The following UTRN variants were observed in gnomAD, a reference collection of about 807,000 sequenced individuals.
UTRN encodes the protein dystrophin-related protein 1.
In UTRN, 283 loss-of-function variants were observed where a neutral mutation model predicts 463.9. The observed-to-expected ratio is 0.61, with a 90% CI of 0.55 to 0.67. The LOEUF is 0.67. Ranked by LOEUF, UTRN falls within the 30% of genes least tolerant of loss-of-function variation. The pLI is 0.00. For missense variants in UTRN, 3,922 were observed against 4,084.3 expected (o/e 0.96, Z 1.08); for synonymous variants, 1,442 against 1,431.5 (o/e 1.01, Z -0.17).
chr6:144,696,179 C>G (rs1368947963), intron 52 of UTRN, among the ~76,000 whole-genome samples: 1 of 152,050 alleles, frequency 6.6e-6, no homozygotes, highest in Non-Finnish European at 1.5e-5. Flanking sequence ...GTTGCTTTTC[C>G]TAACCATATT....
intron 51 of UTRN, among the ~76,000 whole-genome samples, chr6:144,592,499 T>C (rs1354860295): frequency 6.6e-6 from 1 of 152,118 alleles, no homozygotes; most frequent in Non-Finnish European, 1.5e-5. Flanking sequence ...GTCTCCCAAG[T>C]AGCTGGGACT....
rs181495322 is a variant in UTRN at position 144,557,920 on chromosome 6, T to C, written c.7289+609T>C. Among the ~76,000 whole-genome samples, 7 of 152,314 alleles carry C rather than the reference T, an allele frequency of 4.6e-5. No individual in the cohort carries two copies. In the East Asian group the frequency reaches 1.3e-3, roughly 29 times the overall value. On this transcript the variant is annotated intron_variant, in intron 50 of 74. Coordinates refer to ENST00000367545, the MANE Select transcript of UTRN (RefSeq NM_007124.3). ...TGAACACCTAGAATTTGAGAAACTA[T>C]AAACAGTGATTAGCATCTCTTTAAG...
At chr6:144,526,450 T>G (rs1796575224) in intron 41 of UTRN, among the ~76,000 whole-genome samples, 1 of 152,230 alleles carries the variant, frequency 6.6e-6, no homozygotes, top group Non-Finnish European at 1.5e-5. Context: ...TTTGTCTTTT[T>G]TAACTGCTGT....
chr6:144,552,424 A>G (rs1304410366), intron 48 of UTRN, among the ~76,000 whole-genome samples: 2 of 152,198 alleles, frequency 1.3e-5, no homozygotes, highest in Admixed American at 6.5e-5. Context: ...TAGTGATACC[A>G]AACTATTGAC....
At chr6:144,639,127 C>G (rs377228169) in intron 51 of UTRN, among the ~76,000 whole-genome samples, 15 of 152,206 alleles carry the variant, frequency 9.9e-5, no homozygotes, top group African/African-American at 3.1e-4. Flanking sequence ...TGTTCTGCAT[C>G]AGTGACAACA....
intron 72 of UTRN, among the ~76,000 whole-genome samples, chr6:144,840,067 A>T (rs1171204250): frequency 6.6e-6 from 1 of 152,118 alleles, no homozygotes; most frequent in Non-Finnish European, 1.5e-5. Context: ...GCACTCCTGT[A>T]GTCCCAGCTA....
Position 144,447,248 on chromosome 6 carries a change from CT to C in UTRN, c.1655del (p.Leu552Ter). The C allele has an allele frequency of 6.2e-7, 1 of 1,613,910 alleles. No individual in the cohort carries two copies. Among genetic ancestry groups the C allele is most frequent in the Non-Finnish European group, 8.5e-7 (1 of 1,179,892 alleles). ...GCTTGGTTAACCGAAAAAGAAGAGG[CT>C]TTAAATAAAGTCCAGACAAGCAACT... ...LKAWLTEKEE[A>X]LNKVQTSNFK... is the part of the protein sequence containing the mutation. On this transcript the variant is annotated frameshift_variant, in exon 15 of 75. Transcript: ENST00000367545. LOFTEE classifies it high-confidence loss of function.
chr6:144,615,102 T>C (rs1805944971), intron 51 of UTRN, among the ~76,000 whole-genome samples: 1 of 152,158 alleles, frequency 6.6e-6, no homozygotes, highest in Admixed American at 6.6e-5. Context: ...TACAGACATT[T>C]TAGTTTATTT....
At chr6:144,318,730 C>T (rs1775439819) in intron 2 of UTRN, among the ~76,000 whole-genome samples, 1 of 152,320 alleles carries the variant, frequency 6.6e-6, no homozygotes, top group East Asian at 1.9e-4. Context: ...TCCCAAAGTG[C>T]TGGGATTACA....
intron 50 of UTRN, among the ~76,000 whole-genome samples, chr6:144,560,939 C>T (rs369272299): frequency 1.4e-4 from 21 of 151,684 alleles, no homozygotes; most frequent in South Asian, 1.3e-3. Flanking sequence ...ACTTCTGAAA[C>T]GCAACTGAAT....
intron 52 of UTRN, among the ~76,000 whole-genome samples, chr6:144,688,142 C>A (rs988266041): frequency 1.3e-5 from 2 of 152,058 alleles, no homozygotes; most frequent in African/African-American, 4.8e-5. Flanking sequence ...CTCTGAAATT[C>A]TTTCTTATAC....
At position 144,423,629 on chromosome 6, in the gene UTRN, A is replaced by G; in HGVS notation, c.312+3A>G. The G allele has an allele frequency of 6.2e-7, 1 of 1,614,220 alleles. No individual in the cohort carries two copies. Among genetic ancestry groups the G allele is most frequent in the Non-Finnish European group, 8.5e-7 (1 of 1,180,002 alleles). On this transcript the variant is annotated splice_donor_region_variant and intron_variant, in intron 5 of 74. Transcript: ENST00000367545. Reference sequence around the variant, plus strand: ...TGCAGGTTTTACATCAGAACAATGTAAGTGTGTAATGTGAGTTCTGGGGGT... The same window carrying G: ...TGCAGGTTTTACATCAGAACAATGTGAGTGTGTAATGTGAGTTCTGGGGGT...
At chr6:144,388,446 G>A (rs1219287347) in intron 2 of UTRN, among the ~76,000 whole-genome samples, 4 of 151,650 alleles carry the variant, frequency 2.6e-5, no homozygotes, top group African/African-American at 4.9e-5. Flanking sequence ...CAGAGTAGCT[G>A]GGACTACAGG....
chr6:144,473,840 TCTG>T lies in UTRN; in HGVS notation c.3180+11_3180+13del. On this transcript the variant is annotated splice_region_variant and intron_variant, in intron 24 of 74. Coordinates refer to ENST00000367545, the MANE Select transcript of UTRN (RefSeq NM_007124.3). ...GCAGTTAGACCAGTGCTCTGTGAGT[TCTG>T]CTGATCTGGGGAACTTGTCATAAAT... 1 of 1,591,328 alleles carries T rather than the reference TCTG, an allele frequency of 6.3e-7. No homozygotes were observed. Among genetic ancestry groups the T allele is most frequent in the Non-Finnish European group, 8.6e-7 (1 of 1,161,798 alleles).
rs1352367802 is a variant in UTRN at position 144,835,827 on chromosome 6, G to C, written c.9713G>C (p.Gly3238Ala). The C allele has an allele frequency of 6.2e-7, 1 of 1,614,124 alleles. No homozygotes were observed. Among genetic ancestry groups the C allele is most frequent in the South Asian group, 1.1e-5 (1 of 91,086 alleles). The change falls in exon 70 of 75, where the codon GGA becomes GCA. Residue 3238 changes from glycine to alanine, a missense_variant. This residue lies in a region of UTRN where 1,309 missense variants were observed against 1,452.6 expected (regional missense o/e 0.90). Coordinates refer to ENST00000367545, the MANE Select transcript of UTRN (RefSeq NM_007124.3). ...LIQQYCQTLGGESPVSQPQSP... is the reference protein window; with the variant it reads ...LIQQYCQTLGAESPVSQPQSP... ...CAGCAGTATTGCCAAACACTCGGAGGAGAGTCCCCAGTGAGCCAGCCGCAG... is the reference window on the plus strand; with the variant it reads ...CAGCAGTATTGCCAAACACTCGGAGCAGAGTCCCCAGTGAGCCAGCCGCAG...
At chr6:144,400,881 C>T (rs1013836509) in intron 2 of UTRN, among the ~76,000 whole-genome samples, 7 of 152,044 alleles carry the variant, frequency 4.6e-5, no homozygotes, top group Non-Finnish European at 7.4e-5. Context: ...TTTTTACAAA[C>T]ATAAGAATGG....
intron 52 of UTRN, among the ~76,000 whole-genome samples, chr6:144,693,771 A>G (rs1232831526): frequency 3.9e-5 from 6 of 152,152 alleles, no homozygotes; most frequent in Non-Finnish European, 7.4e-5. Context: ...GAAGTTGTTT[A>G]TTAGCTTAAG....
chr6:144,467,087 G>T (rs545545360), intron 23 of UTRN, among the ~76,000 whole-genome samples: 3 of 152,320 alleles, frequency 2.0e-5, no homozygotes, highest in Non-Finnish European at 4.4e-5. Context: ...AATACAAAAT[G>T]TCCCTTTCTT....
Position 144,323,434 on chromosome 6 carries a change from GA to G in UTRN, c.79+31531del, listed in dbSNP as rs1350409326. Among the ~76,000 whole-genome samples, 3 of 152,140 alleles carry G rather than the reference GA, an allele frequency of 2.0e-5. No individual in the cohort carries two copies. In the East Asian group the frequency reaches 5.8e-4, roughly 29 times the overall value. ...CCTCCCTCCAATTAATGATGGGCTGGAAAAGAGCAAGGAGATCACTTTTTGT... is the reference window on the plus strand; with the variant it reads ...CCTCCCTCCAATTAATGATGGGCTGGAAAGAGCAAGGAGATCACTTTTTGT... On this transcript the variant is annotated intron_variant, in intron 2 of 74. Transcript: ENST00000367545.
Sources: gnomAD v4.1 joint callset for allele counts (sites outside exome capture counted in the v4.1 genomes callset) on GRCh38, gnomAD v4.1.1 for gene constraint, gnomAD v4.1.1 regional missense constraint, MANE v1.5 for transcripts, NCBI Gene and HGNC (gene_info 2026-07-23, HGNC 2026-07-21) for gene names.